KLF8: variants seen among roughly 807,000 people sequenced by gnomAD.
KLF8 encodes KLF transcription factor 8.
A neutral mutation model predicts 18.2 loss-of-function variants in KLF8; 10 were observed. The ratio of observed to expected loss-of-function variants is 0.55; its 90% confidence interval spans 0.34 to 0.93. The LOEUF is 0.93. Ranked by LOEUF, KLF8 falls within the 40% of genes least tolerant of loss-of-function variation. The pLI is 0.02. For missense variants in KLF8, 264 were observed against 277.9 expected (o/e 0.95, Z 0.36); for synonymous variants, 109 against 97.3 (o/e 1.12, Z -0.71).
the KLF8 span, among the ~76,000 whole-genome samples, chrX:55,932,871 T>A: frequency 1.8e-5 from 2 of 111,785 alleles, no homozygotes; most frequent in Non-Finnish European, 3.8e-5. Context: ...TCGAGGAGTA[T>A]CTTTGTGGTG....
intron 5 of KLF8, among the ~76,000 whole-genome samples, chrX:56,278,078 C>A (rs2067145892): frequency 8.9e-6 from 1 of 112,588 alleles, no homozygotes; most frequent in Non-Finnish European, 1.9e-5. Context: ...CTGGGCAGAT[C>A]CAGAAATGCC....
the KLF8 span, among the ~76,000 whole-genome samples, chrX:56,091,517 G>T: frequency 3.6e-5 from 4 of 110,780 alleles, no homozygotes; most frequent in Non-Finnish European, 7.6e-5. Flanking sequence ...TATTTATTGA[G>T]ACAGAGTCTT....
chrX:56,067,871 G>A, the KLF8 span, among the ~76,000 whole-genome samples: 1 of 112,491 alleles, frequency 8.9e-6, no homozygotes, highest in African/African-American at 3.2e-5. Context: ...AGCTCCAATA[G>A]AGGCCAAAGT....
chrX:56,276,017 T>A (rs1202270796), intron 5 of KLF8, among the ~76,000 whole-genome samples: 1 of 112,062 alleles, frequency 8.9e-6, no homozygotes, highest in Non-Finnish European at 1.9e-5. Flanking sequence ...GAGTATTTCT[T>A]CCTGTTCTAT....
the KLF8 span, among the ~76,000 whole-genome samples, chrX:56,119,012 G>T: frequency 9.1e-6 from 1 of 110,367 alleles, no homozygotes; most frequent in African/African-American, 3.3e-5. Flanking sequence ...AGAGAATGTT[G>T]TATGTAACTC....
the KLF8 span, among the ~76,000 whole-genome samples, chrX:55,966,635 C>T: frequency 8.9e-6 from 1 of 111,887 alleles, no homozygotes; most frequent in African/African-American, 3.3e-5. Flanking sequence ...AGATACCTGG[C>T]AAGTCTTCCC....
the KLF8 span, among the ~76,000 whole-genome samples, chrX:56,053,557 T>TTTTTTTGG: frequency 9.4e-6 from 1 of 105,924 alleles, no homozygotes. Flanking sequence ...TTTTTTTTTT[T>TTTTTTTGG]GGGGAATAGT....
At chrX:55,933,664 T>A in the KLF8 span, among the ~76,000 whole-genome samples, 1 of 111,960 alleles carries the variant, frequency 8.9e-6, no homozygotes. Flanking sequence ...TACAGTACAG[T>A]TTTCTGTCTT....
At chrX:55,914,639 G>T in the KLF8 span, among the ~76,000 whole-genome samples, 1 of 111,298 alleles carries the variant, frequency 9.0e-6, no homozygotes, top group Non-Finnish European at 1.9e-5. Context: ...TGATATTTGA[G>T]TCTTGAAGGA....
chrX:56,211,254 A>T, the KLF8 span, among the ~76,000 whole-genome samples: 1 of 112,747 alleles, frequency 8.9e-6, no homozygotes, highest in Non-Finnish European at 1.9e-5. Context: ...CCCCAGGCCC[A>T]GTAACACTGT....
At chrX:56,034,506 T>C in the KLF8 span, among the ~76,000 whole-genome samples, 1 of 111,136 alleles carries the variant, frequency 9.0e-6, no homozygotes, top group Non-Finnish European at 1.9e-5. Context: ...TTAAATTTTA[T>C]ACATTATAAT....
the KLF8 span, among the ~76,000 whole-genome samples, chrX:56,040,138 G>A: frequency 9.0e-6 from 1 of 110,960 alleles, no homozygotes; most frequent in Non-Finnish European, 1.9e-5. Flanking sequence ...GAGACAATGG[G>A]GGCTTCAAGA....
chrX:56,083,573 A>G, the KLF8 span, among the ~76,000 whole-genome samples: 1 of 111,975 alleles, frequency 8.9e-6, no homozygotes, highest in Non-Finnish European at 1.9e-5. Flanking sequence ...TTAATAATTT[A>G]TTTTTGTTAG....
At chrX:56,066,026 C>G in the KLF8 span, among the ~76,000 whole-genome samples, 1 of 111,461 alleles carries the variant, frequency 9.0e-6, no homozygotes, top group Non-Finnish European at 1.9e-5. Context: ...CAGGTACAGG[C>G]AGTTTCACCA....
the KLF8 span, among the ~76,000 whole-genome samples, chrX:56,174,073 T>G: frequency 4.1e-4 from 46 of 111,839 alleles, no homozygotes; most frequent in African/African-American, 1.4e-3. Flanking sequence ...TTTTCCTGAT[T>G]GAATAACCTT....
intron 1 of KLF8, among the ~76,000 whole-genome samples, chrX:56,237,202 G>A (rs1241566551): frequency 9.8e-6 from 1 of 101,890 alleles, no homozygotes; most frequent in Non-Finnish European, 2.0e-5. Context: ...TGGAGATAGG[G>A]CCTTTAGGAA....
chrX:56,050,777 A>G, the KLF8 span, among the ~76,000 whole-genome samples: 3 of 111,477 alleles, frequency 2.7e-5, no homozygotes, highest in Non-Finnish European at 3.8e-5. Flanking sequence ...GTAGATGTCT[A>G]TTAGGTCCGC....
At chrX:56,202,013 T>A in the KLF8 span, among the ~76,000 whole-genome samples, 17 of 111,257 alleles carry the variant, frequency 1.5e-4, 1 homozygote, top group African/African-American at 3.6e-4. Flanking sequence ...TCGGGAAGTA[T>A]GTCAACAACT....
the KLF8 span, among the ~76,000 whole-genome samples, chrX:56,143,495 T>C: frequency 8.9e-6 from 1 of 112,258 alleles, no homozygotes; most frequent in Non-Finnish European, 1.9e-5. Flanking sequence ...TCTGCCAGTG[T>C]CTAGAATAGT....
Sources: gnomAD v4.1 joint callset for allele counts (sites outside exome capture counted in the v4.1 genomes callset) on GRCh38, gnomAD v4.1.1 for gene constraint, MANE v1.5 for transcripts, NCBI Gene and HGNC (gene_info 2026-07-23, HGNC 2026-07-21) for gene names.